RPS20: variants seen among roughly 807,000 people sequenced by gnomAD.
RPS20 encodes small ribosomal subunit protein uS10.
Under a neutral mutation model 15.3 loss-of-function variants are expected in RPS20, and 3 were observed. The ratio of observed to expected loss-of-function variants is 0.20; its 90% CI spans 0.09 to 0.51. The LOEUF (loss-of-function observed/expected upper bound fraction) is 0.51. Ranked by LOEUF, RPS20 falls within the 20% of genes least tolerant of loss-of-function variation. The probability of loss-of-function intolerance (pLI) is 0.96; values close to 1 mark genes in which losing one functional copy is unlikely to be tolerated. For missense variants in RPS20, 67 were observed against 145.9 expected (o/e 0.46, Z 2.79); for synonymous variants, 62 against 47.8 (o/e 1.30, Z -1.23).
downstream of RPS20, among the ~76,000 whole-genome samples, chr8:56,070,390 A>AC (rs1722445444): frequency 6.6e-6 from 1 of 152,178 alleles, no homozygotes. Flanking sequence ...TTGCCTGTTC[A>AC]TTTTACATCC....
chr8:56,070,453 A>T (rs1809720968), downstream of RPS20, among the ~76,000 whole-genome samples: 1 of 152,148 alleles, frequency 6.6e-6, no homozygotes, highest in South Asian at 2.1e-4. Context: ...AATCTAATCC[A>T]GTCTGGGTAT....
At chr8:56,069,743 A>C (rs1809701624), downstream of RPS20, 1 of 1,551,564 alleles carries the variant, frequency 6.4e-7, no homozygotes, top group Non-Finnish European at 8.7e-7. Context: ...TGCAGTTAAA[A>C]AGGACATGTC....
chr8:56,071,397 A>G (rs751872155), downstream of RPS20, among the ~76,000 whole-genome samples: 6 of 152,236 alleles, frequency 3.9e-5, no homozygotes, highest in Non-Finnish European at 7.3e-5. Flanking sequence ...ATTAACTGAT[A>G]GCTAAACAGC....
chr8:56,074,441 G>C lies in RPS20; in HGVS notation c.-58C>G. ...TTCCTCGGCGAGAGCGAACAGCGGT[G>C]AGTCAGGAGCAGGAGCGTGCGGACC... On this transcript the variant is annotated 5_prime_UTR_variant, in exon 1 of 4. Transcript: ENST00000009589. 2.6e-6 allele frequency: 4 copies of C among 1,540,502 alleles called. No homozygotes were observed. The highest frequency in any genetic ancestry group is 3.5e-6 in the Non-Finnish European group (4 of 1,148,606).
Position 56,073,691 on chromosome 8 carries a change from T to A in RPS20, c.177+4A>T. On this transcript the variant is annotated splice_donor_region_variant and intron_variant, in intron 3 of 3. Transcript: ENST00000009589. Reference sequence around the variant, plus strand: ...CTACTTCCTGCCCCTCCGATTTACTTTACCTTGGTAGGCATTCGAACTGGT... The same window carrying A: ...CTACTTCCTGCCCCTCCGATTTACTATACCTTGGTAGGCATTCGAACTGGT... 6.2e-7 allele frequency: 1 copy of A among 1,612,984 alleles called. No homozygotes were observed. The highest frequency in any genetic ancestry group is 8.5e-7 in the Non-Finnish European group (1 of 1,179,240).
At chr8:56,071,629 G>C (rs1398260262), downstream of RPS20, among the ~76,000 whole-genome samples, 1 of 152,186 alleles carries the variant, frequency 6.6e-6, no homozygotes, top group Non-Finnish European at 1.5e-5. Context: ...AGGAACACAG[G>C]ACAGAGCTTC....
downstream of RPS20, chr8:56,069,748 C>T: frequency 6.4e-7 from 1 of 1,551,664 alleles, no homozygotes; most frequent in Non-Finnish European, 8.7e-7. Context: ...TTAAAAAGGA[C>T]ATGTCCCCGG....
At chr8:56,069,574 C>T, downstream of RPS20, 3 of 678,092 alleles carry the variant, frequency 4.4e-6, no homozygotes, top group South Asian at 5.4e-5. Context: ...GCTGAGATTA[C>T]AGGTGTGAGC....
downstream of RPS20, among the ~76,000 whole-genome samples, chr8:56,071,778 G>A (rs1563346943): frequency 6.6e-6 from 1 of 152,118 alleles, no homozygotes; most frequent in Non-Finnish European, 1.5e-5. Flanking sequence ...GAAAGCCTAG[G>A]CCCAAATCCA....
downstream of RPS20, chr8:56,072,926 C>CA (rs1479204988): frequency 5.1e-6 from 7 of 1,373,368 alleles, no homozygotes; most frequent in East Asian, 1.6e-4. Flanking sequence ...TCAAATGACT[C>CA]AAACGACAAC....
exon 6 of RPS20, chr8:56,067,834 A>C (rs1443883596): frequency 2.0e-5 from 3 of 152,216 alleles, no homozygotes; most frequent in Admixed American, 6.5e-5. Context: ...TCACAGAAAA[A>C]GAAAGTAAAA....
At chr8:56,073,355 A>AT in intron 3 of RPS20, 83 bp from the exon 4 acceptor site, 2 of 898,792 alleles carry the variant, frequency 2.2e-6, no homozygotes, top group Non-Finnish European at 3.5e-6. Flanking sequence ...ACTTCTAATC[A>AT]TTTCATTAGT....
At chr8:56,071,701 C>T (rs1367424324), downstream of RPS20, among the ~76,000 whole-genome samples, 1 of 152,190 alleles carries the variant, frequency 6.6e-6, no homozygotes, top group African/African-American at 2.4e-5. Context: ...AGGTGCCTAG[C>T]ATGCAGTTGG....
At chr8:56,072,557 C>G (rs111976607), downstream of RPS20, among the ~76,000 whole-genome samples, 136 of 146,196 alleles carry the variant, frequency 9.3e-4, no homozygotes, top group Middle Eastern at 3.4e-3. Context: ...GTCCCCCCCC[C>G]CAAAAAAAAA....
At chr8:56,073,984 T>C (rs1809849136) in intron 2 of RPS20, 76 bp downstream of exon 2, 1 of 1,262,844 alleles carries the variant, frequency 7.9e-7, no homozygotes, top group Admixed American at 1.7e-5. Context: ...GTCCACCTTC[T>C]ACACTAACAT....
chr8:56,067,350 G>A (rs1213484561), exon 6 of RPS20: 2 of 152,074 alleles, frequency 1.3e-5, no homozygotes. Context: ...TTAAAAAGTG[G>A]TATATATACA....
chr8:56,072,426 C>A (rs1278779684), downstream of RPS20, among the ~76,000 whole-genome samples: 2 of 151,174 alleles, frequency 1.3e-5, no homozygotes, highest in Non-Finnish European at 2.9e-5. Flanking sequence ...GTCGCAGGCA[C>A]TTGTAATCCC....
chr8:56,072,268 T>C (rs778853283), downstream of RPS20, among the ~76,000 whole-genome samples: 68 of 151,466 alleles, frequency 4.5e-4, no homozygotes, highest in Non-Finnish European at 8.4e-4. Flanking sequence ...AAAGTGAAAA[T>C]GGGCCAGGCA....
rs1809823297 is a variant in RPS20 at position 56,073,373 on chromosome 8, T to C, written c.178-101A>G. ...TCTAATCATTTCATTAGTTTCCCTT[T>C]GGTATGATTCCAATTTACACTAATA... On this transcript the variant is annotated intron_variant, in intron 3 of 3. Transcript: ENST00000009589. 4 of 826,752 alleles carry C rather than the reference T, an allele frequency of 4.8e-6. No homozygotes were observed. In the Admixed American group the frequency reaches 6.9e-5, roughly 14 times the overall value. The allele number at this position is 826,752 out of a possible 1,614,324, so 51.2% of individuals were successfully genotyped here.
Sources: gnomAD v4.1 joint callset for allele counts (sites outside exome capture counted in the v4.1 genomes callset) on GRCh38, gnomAD v4.1.1 for gene constraint, MANE v1.5 for transcripts, NCBI Gene and HGNC (gene_info 2026-07-23, HGNC 2026-07-21) for gene names.